PIP5K1B: variants seen among roughly 807,000 people sequenced by gnomAD.
PIP5K1B encodes the protein phosphatidylinositol-4-phosphate 5-kinase type 1 beta, also known as phosphatidylinositol 4-phosphate 5-kinase type-1 beta.
A neutral mutation model predicts 67.0 loss-of-function variants in PIP5K1B; 42 were observed. That is an observed-to-expected ratio of 0.63 (90% CI 0.49 to 0.81). The LOEUF is 0.81. Among genes scored for constraint, PIP5K1B ranks in the 30% least tolerant of loss-of-function variants. PIP5K1B has a pLI of 0.00. For missense variants in PIP5K1B, 459 were observed against 646.3 expected, an observed-to-expected ratio of 0.71 and a Z score of 3.14; for synonymous variants, 214 against 231.4, an observed-to-expected ratio of 0.92 and a Z score of 0.68.
At chr9:68,750,952 GGT>G (rs1048801844) in intron 2 of PIP5K1B, among the ~76,000 whole-genome samples, 20 of 152,304 alleles carry the variant, frequency 1.3e-4, no homozygotes, top group Admixed American at 7.2e-4. Flanking sequence ...TTTCAAAGGT[GGT>G]GAACCTTTTG....
chr9:68,951,537 G>A (rs996545160), intron 14 of PIP5K1B, among the ~76,000 whole-genome samples: 2 of 152,164 alleles, frequency 1.3e-5, no homozygotes, highest in Non-Finnish European at 2.9e-5. Flanking sequence ...TCGAAGGCCA[G>A]GTCAAAGCTC....
intron 2 of PIP5K1B, chr9:68,780,516 G>A (rs1194849050): frequency 2.5e-6 from 4 of 1,614,224 alleles, no homozygotes; most frequent in Non-Finnish European, 3.4e-6. Context: ...CCACTCCTGG[G>A]AGGAAAGTTT....
intron 8 of PIP5K1B, among the ~76,000 whole-genome samples, chr9:68,912,684 T>C (rs1028261932): frequency 1.1e-4 from 16 of 152,104 alleles, no homozygotes; most frequent in Non-Finnish European, 2.1e-4. Context: ...AACAAGCAAG[T>C]GGGGGAGCCA....
intron 5 of PIP5K1B, among the ~76,000 whole-genome samples, chr9:68,871,102 G>T (rs2132294135): frequency 6.6e-6 from 1 of 152,268 alleles, no homozygotes; most frequent in Non-Finnish European, 1.5e-5. Context: ...AAGCTGTGTT[G>T]TTATTAGTAC....
chr9:68,987,649 C>G (rs1048238730), intron 14 of PIP5K1B, among the ~76,000 whole-genome samples: 7 of 152,152 alleles, frequency 4.6e-5, no homozygotes. Context: ...CTGATAAAGA[C>G]ATACCCGAGA....
intron 4 of PIP5K1B, among the ~76,000 whole-genome samples, chr9:68,824,568 T>A (rs796308698): frequency 7.2e-5 from 11 of 152,270 alleles, no homozygotes; most frequent in African/African-American, 2.6e-4. Flanking sequence ...AATATCAGGA[T>A]CTTATTAATG....
At chr9:68,831,638 T>G (rs1420000693) in intron 4 of PIP5K1B, among the ~76,000 whole-genome samples, 1 of 152,234 alleles carries the variant, frequency 6.6e-6, no homozygotes, top group Non-Finnish European at 1.5e-5. Flanking sequence ...GTCAGTAAGA[T>G]AAACTCAGAC....
chr9:68,740,445 T>C (rs1828950069), intron 1 of PIP5K1B, among the ~76,000 whole-genome samples: 1 of 152,226 alleles, frequency 6.6e-6, no homozygotes, highest in South Asian at 2.1e-4. Context: ...GTTACATGTG[T>C]AGTTCACAAC....
chr9:68,789,136 TG>T (rs1831811295), intron 2 of PIP5K1B: 1 of 583,654 alleles, frequency 1.7e-6, no homozygotes, highest in Non-Finnish European at 3.4e-6. Context: ...GCCTCATTGT[TG>T]GTGTATTTCA....
chr9:68,820,570 G>C (rs1833687371), intron 3 of PIP5K1B, among the ~76,000 whole-genome samples: 1 of 152,092 alleles, frequency 6.6e-6, no homozygotes, highest in Admixed American at 6.6e-5. Flanking sequence ...TTAGTTCCAA[G>C]GCACAGAAAT....
At chr9:68,728,041 G>A (rs1335459410) in intron 1 of PIP5K1B, among the ~76,000 whole-genome samples, 1 of 152,218 alleles carries the variant, frequency 6.6e-6, no homozygotes, top group Non-Finnish European at 1.5e-5. Flanking sequence ...ATGCTATGGG[G>A]AAAATAAGGC....
intron 4 of PIP5K1B, among the ~76,000 whole-genome samples, chr9:68,847,026 T>C (rs1482694432): frequency 6.6e-6 from 1 of 152,112 alleles, no homozygotes; most frequent in Non-Finnish European, 1.5e-5. Flanking sequence ...ATAAGAAGCT[T>C]CATTTTTATT....
At chr9:68,933,168 C>A (rs1827087898) in intron 12 of PIP5K1B, among the ~76,000 whole-genome samples, 1 of 151,422 alleles carries the variant, frequency 6.6e-6, no homozygotes, top group Non-Finnish European at 1.5e-5. Context: ...TATTGAAGGT[C>A]TATAAAAGTT....
intron 5 of PIP5K1B, among the ~76,000 whole-genome samples, chr9:68,872,725 G>A (rs1823688615): frequency 1.3e-5 from 2 of 151,868 alleles, no homozygotes; most frequent in African/African-American, 4.8e-5. Context: ...TCTTTTTTAT[G>A]CAAGTGGTGA....
chr9:68,814,545 G>A (rs1418668781), intron 2 of PIP5K1B, among the ~76,000 whole-genome samples: 3 of 152,226 alleles, frequency 2.0e-5, no homozygotes, highest in Admixed American at 6.5e-5. Flanking sequence ...GGCCGGGCAC[G>A]GTGGCCATGC....
chr9:69,007,749 C>T (rs750270334), intron 15 of PIP5K1B, among the ~76,000 whole-genome samples: 3 of 151,790 alleles, frequency 2.0e-5, no homozygotes, highest in Non-Finnish European at 4.4e-5. Flanking sequence ...CCCAGCTACT[C>T]GGGAGGCTGA....
intron 4 of PIP5K1B, among the ~76,000 whole-genome samples, chr9:68,835,796 A>G (rs913798120): frequency 6.6e-6 from 1 of 151,374 alleles, no homozygotes; most frequent in Admixed American, 6.6e-5. Context: ...ACCTTCATGG[A>G]TTAAAGACAC....
intron 2 of PIP5K1B, among the ~76,000 whole-genome samples, chr9:68,805,463 A>T (rs952679018): frequency 6.6e-6 from 1 of 152,194 alleles, no homozygotes; most frequent in Non-Finnish European, 1.5e-5. Flanking sequence ...TGTGCCAGGA[A>T]CATTGGAGTG....
At chr9:69,007,789 AG>A (rs1205993465) in intron 15 of PIP5K1B, among the ~76,000 whole-genome samples, 3 of 152,038 alleles carry the variant, frequency 2.0e-5, no homozygotes, top group African/African-American at 7.2e-5. Context: ...CGTGGGAGGC[AG>A]AGGTTGCGGT....
Sources: gnomAD v4.1 joint callset for allele counts (sites outside exome capture counted in the v4.1 genomes callset) on GRCh38, gnomAD v4.1.1 for gene constraint, MANE v1.5 for transcripts, NCBI Gene and HGNC (gene_info 2026-07-23, HGNC 2026-07-21) for gene names.